The following RBFOX1 variants were observed in gnomAD, a reference collection of about 807,000 sequenced individuals.
RBFOX1 encodes the protein RNA binding protein fox-1 homolog 1.
Under a neutral mutation model 57.7 loss-of-function variants are expected in RBFOX1, and 8 were observed. That is an observed-to-expected ratio of 0.14 (90% CI 0.08 to 0.25). The LOEUF (loss-of-function observed/expected upper bound fraction) is 0.25. Ranked by LOEUF, RBFOX1 falls within the 10% of genes least tolerant of loss-of-function variation. The pLI, the probability that RBFOX1 is intolerant of heterozygous loss-of-function variation, is 1.00. For synonymous variants in RBFOX1, 326 were observed against 222.4 expected (o/e 1.47, Z -4.15); for missense variants, 611 against 548.5 (o/e 1.11, Z -1.14).
chr16:5,582,097 G>C (rs181221960), intron 2 of RBFOX1, among the ~76,000 whole-genome samples: 4 of 152,182 alleles, frequency 2.6e-5, no homozygotes, highest in Admixed American at 2.0e-4. Flanking sequence ...AGAGCTGACA[G>C]CTCCCTCTTC....
intron 4 of RBFOX1, among the ~76,000 whole-genome samples, chr16:5,944,742 C>T (rs1169301959): frequency 7.2e-6 from 1 of 138,040 alleles, no homozygotes; most frequent in Non-Finnish European, 1.5e-5. Context: ...ATCACGAGGT[C>T]AAGAGATAGA....
rs1049078429 is a variant in RBFOX1 at position 7,651,024 on chromosome 16, C to CA, written c.758-2784dup. On this transcript the variant is annotated intron_variant, in intron 11 of 15. Transcript: ENST00000550418. ...AAGAAACTCAGGTGCTAGGAGCTGGCAAAAAAAGTTAAATAAAATGGCATG... is the reference window on the plus strand; with the variant it reads ...AAGAAACTCAGGTGCTAGGAGCTGGCAAAAAAAAGTTAAATAAAATGGCATG... Among the ~76,000 whole-genome samples the CA allele has an allele frequency of 5.3e-5, 8 of 151,756 alleles. 1 individual carries two copies. The highest frequency in any genetic ancestry group is 3.9e-4 in the East Asian group (2 of 5,154).
intron 4 of RBFOX1, among the ~76,000 whole-genome samples, chr16:5,867,883 T>C (rs2057380323): frequency 6.6e-6 from 1 of 152,004 alleles, no homozygotes; most frequent in Non-Finnish European, 1.5e-5. Context: ...GGCTAATTTT[T>C]GTGTTTTTAG....
chr16:7,219,313 T>G (rs1480784412), intron 4 of RBFOX1, among the ~76,000 whole-genome samples: 2 of 152,104 alleles, frequency 1.3e-5, no homozygotes, highest in African/African-American at 4.8e-5. Context: ...AGCAAATAAA[T>G]AGAGATGCTT....
chr16:5,717,525 C>T (rs2051753486), intron 3 of RBFOX1, among the ~76,000 whole-genome samples: 1 of 152,108 alleles, frequency 6.6e-6, no homozygotes. Flanking sequence ...ACCCTTAGTC[C>T]CCAAAGTCCA....
Position 6,960,577 on chromosome 16 carries a change from A to T in RBFOX1, c.-15-91480A>T, listed in dbSNP as rs1432666719. Among the ~76,000 whole-genome samples the T allele has an allele frequency of 4.6e-5, 7 of 151,730 alleles. No individual in the cohort carries two copies. The East Asian group carries it at 1.2e-3, about 25-fold the overall frequency. Reference sequence around the variant, plus strand: ...GTATCTGTTCCCCTGTGCCCTTCTTACCTCCTTCCAAACTCTGCAGAGGAG... The same window carrying T: ...GTATCTGTTCCCCTGTGCCCTTCTTTCCTCCTTCCAAACTCTGCAGAGGAG... On this transcript the variant is annotated intron_variant, in intron 3 of 15. Transcript: ENST00000550418.
At chr16:6,670,378 G>A (rs954117807) in intron 3 of RBFOX1, among the ~76,000 whole-genome samples, 7 of 152,180 alleles carry the variant, frequency 4.6e-5, no homozygotes, top group Non-Finnish European at 7.4e-5. Flanking sequence ...ACAAACATAT[G>A]TATTTTTAAT....
intron 4 of RBFOX1, among the ~76,000 whole-genome samples, chr16:6,005,088 A>T (rs546925993): frequency 6.6e-6 from 1 of 152,356 alleles, no homozygotes; most frequent in Non-Finnish European, 1.5e-5. Flanking sequence ...TTTAGAAATT[A>T]TAAAAAGCCA....
chr16:7,109,457 G>T (rs976531766), intron 4 of RBFOX1, among the ~76,000 whole-genome samples: 7 of 152,098 alleles, frequency 4.6e-5, no homozygotes, highest in Non-Finnish European at 7.3e-5. Flanking sequence ...GAGGCCCCCA[G>T]GTGGATGTAT....
At chr16:7,236,970 A>G (rs1347047975) in intron 4 of RBFOX1, among the ~76,000 whole-genome samples, 2 of 152,192 alleles carry the variant, frequency 1.3e-5, no homozygotes, top group Admixed American at 6.5e-5. Context: ...CTGTGTAACT[A>G]GGATAAGCTG....
At chr16:5,392,142 G>A (rs1362267683) in intron 1 of RBFOX1, among the ~76,000 whole-genome samples, 1 of 152,062 alleles carries the variant, frequency 6.6e-6, no homozygotes, top group Non-Finnish European at 1.5e-5. Context: ...GAAAGGATGG[G>A]AGGAGGATGA....
At chr16:7,506,260 T>A (rs1157102266) in intron 4 of RBFOX1, among the ~76,000 whole-genome samples, 2 of 151,544 alleles carry the variant, frequency 1.3e-5, no homozygotes, top group Non-Finnish European at 2.9e-5. Flanking sequence ...AGTTTATATG[T>A]TTATCTAAAT....
At chr16:7,024,486 T>C (rs575509730) in intron 3 of RBFOX1, among the ~76,000 whole-genome samples, 7 of 152,326 alleles carry the variant, frequency 4.6e-5, no homozygotes, top group Admixed American at 1.3e-4. Flanking sequence ...ATGCACTTCT[T>C]AATAATAAGC....
chr16:5,726,339 T>C (rs560284498), intron 3 of RBFOX1, among the ~76,000 whole-genome samples: 1 of 152,300 alleles, frequency 6.6e-6, no homozygotes, highest in East Asian at 1.9e-4. Context: ...TGAACCATGC[T>C]ATGACCGGCC....
intron 1 of RBFOX1, among the ~76,000 whole-genome samples, chr16:5,308,224 C>T (rs1250677073): frequency 6.6e-6 from 1 of 151,890 alleles, no homozygotes; most frequent in Non-Finnish European, 1.5e-5. Context: ...GCCTGTAATC[C>T]CAGCTACTCA....
chr16:5,530,658 G>T (rs1181488747), intron 2 of RBFOX1, among the ~76,000 whole-genome samples: 1 of 152,118 alleles, frequency 6.6e-6, no homozygotes, highest in African/African-American at 2.4e-5. Flanking sequence ...ACCCATGAGA[G>T]ACCAGCAGCA....
At chr16:6,536,597 G>A (rs765644143) in intron 2 of RBFOX1, among the ~76,000 whole-genome samples, 2 of 151,866 alleles carry the variant, frequency 1.3e-5, no homozygotes, top group Non-Finnish European at 2.9e-5. Context: ...TTCTTGAAGT[G>A]TGATAAGTCT....
At position 6,043,145 on chromosome 16, in the gene RBFOX1, A is replaced by T. The variant is rs1567320267; in HGVS notation, c.-127+23153A>T. Among the ~76,000 whole-genome samples, 65 of 96,486 alleles carry T rather than the reference A, an allele frequency of 6.7e-4. 2 individuals are homozygous for T. Among genetic ancestry groups the T allele is most frequent in the Non-Finnish European group, 1.1e-3 (45 of 41,752 alleles). The allele number at this position is 96,486 out of a possible 152,430, so 63.3% of individuals were successfully genotyped here. A position where few individuals can be genotyped will look rare whatever the true frequency, so the allele number is the denominator to read the frequency against. ...GAAAAAAAAAAAAAAAAAAAAAAAA[A>T]AAAAAAAAAAAAAAAAAGATAAGGG... On this transcript the variant is annotated intron_variant, in intron 1 of 15. Transcript: ENST00000550418.
intron 2 of RBFOX1, among the ~76,000 whole-genome samples, chr16:6,597,649 G>A (rs1230913494): frequency 6.6e-6 from 1 of 152,100 alleles, no homozygotes; most frequent in Non-Finnish European, 1.5e-5. Context: ...ACTCCAGCTT[G>A]GGTTGAGAGC....
Sources: allele counts gnomAD v4.1 joint callset (sites outside exome capture counted in the v4.1 genomes callset), GRCh38; gene constraint gnomAD v4.1.1; transcripts MANE v1.5; gene names NCBI Gene and HGNC (gene_info 2026-07-23, HGNC 2026-07-21).